Variants in HDAC9 observed in about 807,000 individuals in gnomAD.
HDAC9 encodes MEF-2 interacting transcription repressor (MITR) protein.
Under a neutral mutation model 139.4 loss-of-function variants are expected in HDAC9, and 41 were observed. The ratio of observed to expected loss-of-function variants is 0.29; its 90% CI spans 0.23 to 0.38. The LOEUF (loss-of-function observed/expected upper bound fraction) is 0.38. Ranked by LOEUF, HDAC9 falls within the 10% of genes least tolerant of loss-of-function variation. The probability of loss-of-function intolerance (pLI) is 1.00; values close to 1 mark genes in which losing one functional copy is unlikely to be tolerated. For missense variants in HDAC9, 1,147 were observed against 1,297.0 expected, an observed-to-expected ratio of 0.88 and a Z score of 1.78; for synonymous variants, 517 against 476.2, an observed-to-expected ratio of 1.09 and a Z score of -1.12.
At chr7:18,866,470 G>A (rs921108321) in intron 21 of HDAC9, among the ~76,000 whole-genome samples, 1 of 152,024 alleles carries the variant, frequency 6.6e-6, no homozygotes. Flanking sequence ...CTTCCTTGTT[G>A]GTTGCCCGCT....
chr7:18,520,834 G>A (rs993869360), intron 2 of HDAC9, among the ~76,000 whole-genome samples: 15 of 152,158 alleles, frequency 9.9e-5, no homozygotes, highest in Admixed American at 1.3e-4. Context: ...CTGCTGTGTC[G>A]ACATGTCTAC....
chr7:18,454,361 G>A (rs1586025977), intron 1 of HDAC9, among the ~76,000 whole-genome samples: 1 of 151,976 alleles, frequency 6.6e-6, no homozygotes, highest in South Asian at 2.1e-4. Flanking sequence ...TTTAAAATTT[G>A]CAAAGTGTTA....
chr7:18,187,300 C>A (rs985251429), intron 2 of HDAC9, among the ~76,000 whole-genome samples: 1 of 152,216 alleles, frequency 6.6e-6, no homozygotes, highest in Non-Finnish European at 1.5e-5. Flanking sequence ...AATGAGGATA[C>A]TGAGGGTCAG....
chr7:18,192,761 C>G (rs765697116), intron 2 of HDAC9, among the ~76,000 whole-genome samples: 3 of 152,120 alleles, frequency 2.0e-5, no homozygotes, highest in African/African-American at 7.2e-5. Flanking sequence ...TAAAATACAA[C>G]ATGCCAGAAT....
intron 1 of HDAC9, among the ~76,000 whole-genome samples, chr7:18,461,017 A>G (rs1329986490): frequency 2.0e-5 from 3 of 152,142 alleles, no homozygotes; most frequent in African/African-American, 7.2e-5. Context: ...AAAATTAAAT[A>G]AGCGGCACTC....
At chr7:18,701,204 A>G (rs191931825) in intron 12 of HDAC9, among the ~76,000 whole-genome samples, 16 of 152,226 alleles carry the variant, frequency 1.1e-4, no homozygotes, top group Admixed American at 7.2e-4. Context: ...AAGCAAAACA[A>G]AACAAACAAA....
intron 17 of HDAC9, among the ~76,000 whole-genome samples, chr7:18,804,359 A>G (rs1253082762): frequency 6.6e-6 from 1 of 152,220 alleles, no homozygotes; most frequent in East Asian, 1.9e-4. Context: ...GATGGGATGC[A>G]TGTACACGTC....
intron 1 of HDAC9, among the ~76,000 whole-genome samples, chr7:18,322,770 T>C (rs1321107529): frequency 3.3e-5 from 5 of 152,178 alleles, no homozygotes; most frequent in Middle Eastern, 6.8e-3. Context: ...GTGGGGTCAC[T>C]GTAGGAGAGA....
chr7:18,847,426 G>A (rs1796985872), intron 21 of HDAC9, among the ~76,000 whole-genome samples: 1 of 151,884 alleles, frequency 6.6e-6, no homozygotes, highest in Admixed American at 6.6e-5. Context: ...TGAAAAAAAA[G>A]AGTACAACAC....
At chr7:18,785,355 T>A (rs1418902579) in intron 16 of HDAC9, among the ~76,000 whole-genome samples, 1 of 151,828 alleles carries the variant, frequency 6.6e-6, no homozygotes, top group East Asian at 1.9e-4. Flanking sequence ...CATCGTAGGA[T>A]GCGTAGTGGC....
intron 1 of HDAC9, among the ~76,000 whole-genome samples, chr7:18,359,216 C>T (rs1013620893): frequency 3.9e-5 from 6 of 152,048 alleles, no homozygotes; most frequent in African/African-American, 4.8e-5. Context: ...GGTAGCCGGG[C>T]GTGGTGGTGC....
At chr7:18,186,319 A>G (rs1789910663) in intron 2 of HDAC9, among the ~76,000 whole-genome samples, 1 of 152,212 alleles carries the variant, frequency 6.6e-6, no homozygotes, top group African/African-American at 2.4e-5. Context: ...TTCCAAAAAG[A>G]CAGTCTTGAT....
intron 1 of HDAC9, among the ~76,000 whole-genome samples, chr7:18,409,523 C>T (rs1201868075): frequency 2.0e-5 from 3 of 152,136 alleles, no homozygotes; most frequent in East Asian, 3.9e-4. Context: ...CTCTGCATTC[C>T]CTTCCCAACC....
At chr7:18,968,363 G>A (rs555771398) in intron 24 of HDAC9, among the ~76,000 whole-genome samples, 4 of 152,262 alleles carry the variant, frequency 2.6e-5, no homozygotes, top group African/African-American at 7.2e-5. Context: ...CTGACCCCAT[G>A]TATGAAAGAG....
intron 1 of HDAC9, among the ~76,000 whole-genome samples, chr7:18,323,899 C>T (rs1260892000): frequency 6.6e-6 from 1 of 151,376 alleles, no homozygotes; most frequent in African/African-American, 2.4e-5. Context: ...GATTCAGAGC[C>T]TAGGAAGGAC....
At chr7:18,601,733 C>A (rs572252860) in intron 6 of HDAC9, among the ~76,000 whole-genome samples, 1 of 152,060 alleles carries the variant, frequency 6.6e-6, no homozygotes, top group Admixed American at 6.6e-5. Context: ...TATAATCGTA[C>A]GATTTTTTAA....
chr7:18,233,864 C>T (rs1793640651), intron 2 of HDAC9, among the ~76,000 whole-genome samples: 1 of 152,116 alleles, frequency 6.6e-6, no homozygotes, highest in Non-Finnish European at 1.5e-5. Context: ...ACAAGGTCCA[C>T]ATTGGAGAGC....
chr7:18,132,127 C>T (rs1164408586), intron 1 of HDAC9, among the ~76,000 whole-genome samples: 1 of 152,070 alleles, frequency 6.6e-6, no homozygotes, highest in African/African-American at 2.4e-5. Flanking sequence ...TACTTCCCTC[C>T]CTTTGCTCCC....
chr7:18,395,044 A>G (rs564071905), intron 1 of HDAC9: 12 of 152,298 alleles, frequency 7.9e-5, no homozygotes, highest in Non-Finnish European at 1.6e-4. Context: ...TTCAGTAAAA[A>G]TGATAATATC....
Sources: allele counts gnomAD v4.1 joint callset (sites outside exome capture counted in the v4.1 genomes callset), GRCh38; gene constraint gnomAD v4.1.1; transcripts MANE v1.5; gene names NCBI Gene and HGNC (gene_info 2026-07-23, HGNC 2026-07-21).